The following PLCB4 variants were observed in gnomAD, a reference collection of about 807,000 sequenced individuals.
The protein encoded by PLCB4 is 1-phosphatidylinositol 4,5-bisphosphate phosphodiesterase beta-4.
Under a neutral mutation model 178.8 loss-of-function variants are expected in PLCB4, and 77 were observed. The observed-to-expected ratio is 0.43, with a 90% CI of 0.36 to 0.52. The LOEUF is 0.52. Among genes scored for constraint, PLCB4 ranks in the 20% least tolerant of loss-of-function variants. The pLI is 0.00. For synonymous variants in PLCB4, 496 were observed against 490.8 expected (o/e 1.01, Z -0.14); for missense variants, 1,024 against 1,453.4 (o/e 0.70, Z 4.80).
At chr20:9,135,383 T>A (rs897288902) in intron 2 of PLCB4, among the ~76,000 whole-genome samples, 2 of 152,080 alleles carry the variant, frequency 1.3e-5, no homozygotes, top group Non-Finnish European at 2.9e-5. Context: ...GGTTGATCAT[T>A]TTTTATGGAA....
chr20:9,358,430 A>AT (rs1411186447), intron 7 of PLCB4, among the ~76,000 whole-genome samples: 1 of 152,206 alleles, frequency 6.6e-6, no homozygotes, highest in Non-Finnish European at 1.5e-5. Flanking sequence ...GTCTCTGTTC[A>AT]TTTTTCCATT....
intron 2 of PLCB4, among the ~76,000 whole-genome samples, chr20:9,147,381 C>T (rs1434146943): frequency 6.6e-6 from 1 of 152,056 alleles, no homozygotes; most frequent in Non-Finnish European, 1.5e-5. Flanking sequence ...CCTTTTGCCA[C>T]AATAATGCTG....
intron 30 of PLCB4, among the ~76,000 whole-genome samples, chr20:9,439,327 G>A (rs1412478514): frequency 6.6e-6 from 1 of 152,170 alleles, no homozygotes; most frequent in African/African-American, 2.4e-5. Flanking sequence ...GAGCAGGCTT[G>A]TTCATATGGT....
chr20:9,273,076 T>C (rs2094419933), intron 3 of PLCB4, among the ~76,000 whole-genome samples: 1 of 152,130 alleles, frequency 6.6e-6, no homozygotes, highest in Non-Finnish European at 1.5e-5. Flanking sequence ...CCTCAGTATA[T>C]ACTTATTAGA....
At chr20:9,408,833 G>A in intron 23 of PLCB4, 116 bp downstream of exon 23, 1 of 710,250 alleles carries the variant, frequency 1.4e-6, no homozygotes, top group Non-Finnish European at 2.5e-6. Flanking sequence ...AAAATGATAT[G>A]TGGGAAAGAC....
chr20:9,419,902 C>T lies in PLCB4; in HGVS notation c.2147C>T (p.Ser716Leu), dbSNP rs1341607523. The T allele has an allele frequency of 6.8e-6, 11 of 1,605,966 alleles. No individual in the cohort carries two copies. The highest frequency in any genetic ancestry group is 6.8e-6 in the Non-Finnish European group (8 of 1,172,576). Residue 716 changes from serine (S) to leucine (L), a missense_variant, in exon 26 of 40, where the codon TCA becomes TTA. This residue lies in a region of PLCB4 where 227 missense variants were observed against 374.3 expected (regional missense o/e 0.61). Coordinates refer to ENST00000378473, the MANE Select transcript of PLCB4 (RefSeq NM_001377142.1). ...GATGGTGTTATTGCAGCCACTTGCT[C>T]AGTGCAGGTAAGGCCCCTGCTCATC... ...PVDGVIAATC[S>L]VQVISGQFLS...
At chr20:9,401,053 T>G (rs2076235) in intron 19 of PLCB4, among the ~76,000 whole-genome samples, 61,423 of 152,072 alleles carry the variant, frequency 0.4, 12,793 homozygotes, top group African/African-American at 0.51. Context: ...CAAGTGGACA[T>G]TTTAGTCTCT....
intron 28 of PLCB4, among the ~76,000 whole-genome samples, chr20:9,430,571 T>A (rs2041326988): frequency 6.6e-6 from 1 of 152,224 alleles, no homozygotes; most frequent in Non-Finnish European, 1.5e-5. Flanking sequence ...TTTGTTAATA[T>A]TGGTAATTCA....
chr20:9,303,630 T>G (rs913387665), intron 3 of PLCB4, among the ~76,000 whole-genome samples: 1 of 152,184 alleles, frequency 6.6e-6, no homozygotes, highest in South Asian at 2.1e-4. Context: ...ATATTGTGAA[T>G]AGTGCTGCAT....
chr20:9,228,850 T>A (rs751916532), intron 3 of PLCB4, among the ~76,000 whole-genome samples: 13 of 152,174 alleles, frequency 8.5e-5, no homozygotes, highest in Non-Finnish European at 1.5e-4. Context: ...GGTTGACTTC[T>A]GGGCCCATGC....
chr20:9,168,333 G>T (rs1180685358), intron 2 of PLCB4, among the ~76,000 whole-genome samples: 2 of 152,124 alleles, frequency 1.3e-5, no homozygotes, highest in Admixed American at 1.3e-4. Context: ...AGGTGTGCAA[G>T]GCTTAATGTT....
intron 1 of PLCB4, 135 bp from the exon 2 acceptor site, chr20:9,096,152 C>T (rs1443540411): frequency 6.6e-6 from 1 of 152,056 alleles, no homozygotes. Context: ...TATTTCAAGT[C>T]TAATTTAAAG....
chr20:9,095,240 A>G (rs917660780), intron 1 of PLCB4, among the ~76,000 whole-genome samples: 1 of 152,256 alleles, frequency 6.6e-6, no homozygotes, highest in Admixed American at 6.5e-5. Context: ...TGAAGCAAAC[A>G]CAAGCTAATG....
chr20:9,414,527 T>A (rs924689891), intron 25 of PLCB4, among the ~76,000 whole-genome samples: 2 of 152,200 alleles, frequency 1.3e-5, no homozygotes, highest in Admixed American at 1.3e-4. Context: ...TAAAGAGGCA[T>A]TCTGTGCCCT....
intron 2 of PLCB4, among the ~76,000 whole-genome samples, chr20:9,170,658 C>G (rs2093049481): frequency 6.6e-6 from 1 of 152,172 alleles, no homozygotes; most frequent in Admixed American, 6.6e-5. Context: ...AAGCTCTATC[C>G]TTGTAATAAT....
chr20:9,421,550 T>A, intron 27 of PLCB4, 89 bp downstream of exon 27: 1 of 971,666 alleles, frequency 1.0e-6, no homozygotes, highest in Non-Finnish European at 1.6e-6. Flanking sequence ...GGGGCACTTA[T>A]TCAACCGACA....
chr20:9,160,330 A>G (rs1375297064), intron 2 of PLCB4, among the ~76,000 whole-genome samples: 1 of 152,178 alleles, frequency 6.6e-6, no homozygotes, highest in African/African-American at 2.4e-5. Context: ...AGTCCAGGAT[A>G]GTTAGGTCCT....
rs542417133 is a variant in PLCB4 at position 9,132,413 on chromosome 20, A to C, written c.-79+36071A>C. ...TAAGGAAGCTACCTTTAAGAGTAAT[A>C]GCTCTTTTATTCATTCAGGTTGTGA... is the stretch of plus-strand genomic sequence containing the variant. On this transcript the variant is annotated intron_variant, in intron 2 of 39. Transcript: ENST00000378473. 4.6e-5 allele frequency among the ~76,000 whole-genome samples: 7 copies of C among 152,326 alleles called. No individual in the cohort carries two copies. The East Asian group carries it at 1.4e-3, about 29-fold the overall frequency.
At chr20:9,369,740 TGA>T (rs1325211958) in intron 9 of PLCB4, among the ~76,000 whole-genome samples, 1 of 152,226 alleles carries the variant, frequency 6.6e-6, no homozygotes, top group Non-Finnish European at 1.5e-5. Context: ...ACTCTGCCAC[TGA>T]AGTGGTGCTT....
Sources: allele counts gnomAD v4.1 joint callset (sites outside exome capture counted in the v4.1 genomes callset), GRCh38; gene constraint gnomAD v4.1.1; regional missense constraint gnomAD v4.1.1; transcripts MANE v1.5; gene names NCBI Gene and HGNC (gene_info 2026-07-23, HGNC 2026-07-21).